Variants in PJA2 observed in about 807,000 individuals in gnomAD.
The protein encoded by PJA2 is praja ring finger ubiquitin ligase 2.
A neutral mutation model predicts 69.3 loss-of-function variants in PJA2; 25 were observed. The observed-to-expected ratio is 0.36, with a 90% CI of 0.26 to 0.50. The LOEUF is 0.50. PJA2 is among the 20% of genes least tolerant of loss of function. The probability of loss-of-function intolerance (pLI) is 0.96; values close to 1 mark genes in which losing one functional copy is unlikely to be tolerated. For missense variants in PJA2, 809 were observed against 830.2 expected, an observed-to-expected ratio of 0.97 and a Z score of 0.31; for synonymous variants, 308 against 277.8, an observed-to-expected ratio of 1.11 and a Z score of -1.08.
chr5:109,362,997 C>T lies in PJA2; in HGVS notation c.1495G>A (p.Glu499Lys), dbSNP rs774796511. ...EGEQTSLEEG[E>K]IPWLQYNEVN... Reference sequence around the variant, plus strand: ...TCATTGTACTGTAACCAAGGAATTTCTCCCTCTTCCAAGGATGTCTGTTCC... The same window carrying T: ...TCATTGTACTGTAACCAAGGAATTTTTCCCTCTTCCAAGGATGTCTGTTCC... Residue 499 changes from glutamate to lysine, a missense_variant, in exon 6 of 10, where the codon GAA becomes AAA. By Grantham distance (56) the Glu-to-Lys change is moderately conservative. Coordinates refer to ENST00000361189, the MANE Select transcript of PJA2 (RefSeq NM_014819.5). The T allele has an allele frequency of 6.2e-7, 1 of 1,602,468 alleles. No individual in the cohort carries two copies. Among genetic ancestry groups the T allele is most frequent in the Non-Finnish European group, 8.5e-7 (1 of 1,171,360 alleles).
At chr5:109,378,161 T>G in intron 4 of PJA2, 43 bp downstream of exon 4, 1 of 1,417,056 alleles carries the variant, frequency 7.1e-7, no homozygotes. Flanking sequence ...AGAAACCACT[T>G]CATTTACTAC....
At chr5:109,340,607 A>C in intron 9 of PJA2, among the ~76,000 whole-genome samples, 1 of 111,958 alleles carries the variant, frequency 8.9e-6, no homozygotes, top group African/African-American at 3.7e-5. Flanking sequence ...TATGCTTAAG[A>C]TTTATTGGGT....
chr5:109,384,159 G>C (rs1047127466), intron 1 of PJA2, among the ~76,000 whole-genome samples: 1 of 152,150 alleles, frequency 6.6e-6, no homozygotes. Context: ...AACTATTTGG[G>C]AGTCTACTAC....
chr5:109,348,233 G>C (rs1470061206), intron 7 of PJA2, among the ~76,000 whole-genome samples: 1 of 152,148 alleles, frequency 6.6e-6, no homozygotes, highest in Non-Finnish European at 1.5e-5. Flanking sequence ...TATTAAGAGT[G>C]CCCTTGTGCA....
chr5:109,385,877 A>G (rs1398910475), intron 1 of PJA2, among the ~76,000 whole-genome samples: 1 of 152,192 alleles, frequency 6.6e-6, no homozygotes, highest in Non-Finnish European at 1.5e-5. Flanking sequence ...CAGAAAATTC[A>G]CTTGTTTCCT....
chr5:109,361,514 T>C (rs907279906), intron 6 of PJA2, among the ~76,000 whole-genome samples: 4 of 152,230 alleles, frequency 2.6e-5, no homozygotes, highest in African/African-American at 9.6e-5. Flanking sequence ...GCTAAACAGA[T>C]GATTCTTTCA....
intron 6 of PJA2, 23 bp downstream of exon 6, chr5:109,362,817 C>A: frequency 6.5e-7 from 1 of 1,549,582 alleles, no homozygotes; most frequent in Non-Finnish European, 8.8e-7. Flanking sequence ...AATTAAGCAT[C>A]CTAATAAAAT....
chr5:109,338,363 G>C (rs1054995149), intron 9 of PJA2, among the ~76,000 whole-genome samples: 4 of 152,152 alleles, frequency 2.6e-5, no homozygotes, highest in African/African-American at 9.7e-5. Context: ...TTTCAGGCCA[G>C]GCACGGTGGC....
At chr5:109,340,856 G>A (rs1434175633) in intron 9 of PJA2, among the ~76,000 whole-genome samples, 2 of 101,486 alleles carry the variant, frequency 2.0e-5, no homozygotes, top group Admixed American at 9.8e-5. Flanking sequence ...TGGCCGGGCC[G>A]GTCTCCAGCC....
intron 9 of PJA2, among the ~76,000 whole-genome samples, chr5:109,343,317 G>T (rs1209807993): frequency 2.7e-4 from 6 of 21,984 alleles, no homozygotes; most frequent in South Asian, 2.9e-3. Context: ...AAGAAAAAAA[G>T]AAAATATGTA....
rs552816920 is a variant in PJA2, at chr5:109,360,708, T to G, written c.1652+2132A>C. ...ATGTTTTCTATAATTTAAAAAAAAC[T>G]ATTTGAAGCTCTGGACATTTCGGGA... On this transcript the variant is annotated intron_variant, in intron 6 of 9. Coordinates refer to ENST00000361189, the MANE Select transcript of PJA2 (RefSeq NM_014819.5). Among the ~76,000 whole-genome samples, 133 of 152,330 alleles carry G rather than the reference T, an allele frequency of 8.7e-4. 1 individual carries two copies. The highest frequency in any genetic ancestry group is 1.6e-3 in the Non-Finnish European group (109 of 68,034).
intron 4 of PJA2, among the ~76,000 whole-genome samples, chr5:109,372,907 A>C (rs1275836642): frequency 2.1e-5 from 2 of 93,068 alleles, no homozygotes; most frequent in East Asian, 4.4e-4. Context: ...CTCCGTCTCA[A>C]AAAAAAAAAA....
intron 1 of PJA2, among the ~76,000 whole-genome samples, chr5:109,393,427 C>T (rs1747325068): frequency 6.6e-6 from 1 of 152,088 alleles, no homozygotes; most frequent in African/African-American, 2.4e-5. Flanking sequence ...TTTGGAAGCA[C>T]CTAGTAAACC....
intron 1 of PJA2, among the ~76,000 whole-genome samples, chr5:109,396,117 C>G (rs1424863764): frequency 6.6e-6 from 1 of 151,868 alleles, no homozygotes; most frequent in Non-Finnish European, 1.5e-5. Context: ...TATTAGCAAG[C>G]CATTACAGCA....
chr5:109,366,531 C>G (rs190424073), intron 5 of PJA2, among the ~76,000 whole-genome samples: 18 of 152,304 alleles, frequency 1.2e-4, no homozygotes, highest in African/African-American at 4.3e-4. Context: ...CATCCCTGAC[C>G]ACTTTAATAT....
intron 1 of PJA2, among the ~76,000 whole-genome samples, chr5:109,403,738 A>C (rs1405712670): frequency 2.0e-5 from 3 of 148,478 alleles, no homozygotes; most frequent in Non-Finnish European, 4.4e-5. Flanking sequence ...ATAATACCTG[A>C]CTAAAATCAA....
intron 5 of PJA2, among the ~76,000 whole-genome samples, chr5:109,367,625 A>G (rs1762607241): frequency 6.6e-6 from 1 of 152,202 alleles, no homozygotes; most frequent in Non-Finnish European, 1.5e-5. Flanking sequence ...GCAAGTACCA[A>G]ACTGATATTG....
At chr5:109,387,774 C>T (rs1409436244) in intron 1 of PJA2, among the ~76,000 whole-genome samples, 2 of 152,098 alleles carry the variant, frequency 1.3e-5, no homozygotes, top group African/African-American at 2.4e-5. Flanking sequence ...CAAGGAAGAA[C>T]ATGGACATGT....
At chr5:109,345,802 T>TTA in intron 7 of PJA2, among the ~76,000 whole-genome samples, 1 of 152,276 alleles carries the variant, frequency 6.6e-6, no homozygotes, top group Non-Finnish European at 1.5e-5. Context: ...TATTACTAGG[T>TTA]TATCTGGGTT....
Sources: allele counts gnomAD v4.1 joint callset (sites outside exome capture counted in the v4.1 genomes callset), GRCh38; gene constraint gnomAD v4.1.1; transcripts MANE v1.5; gene names NCBI Gene and HGNC (gene_info 2026-07-23, HGNC 2026-07-21).